ZBTB44: variants seen among roughly 807,000 people sequenced by gnomAD.
The protein encoded by ZBTB44 is zinc finger and BTB domain containing 44, also known as zinc finger and BTB domain-containing protein 44.
In ZBTB44, 15 loss-of-function variants were observed where a neutral mutation model predicts 54.0. The ratio of observed to expected loss-of-function variants is 0.28; its 90% CI spans 0.19 to 0.43. The LOEUF is 0.43. Ranked by LOEUF, ZBTB44 falls within the 20% of genes least tolerant of loss-of-function variation. The probability of loss-of-function intolerance (pLI) is 1.00; values close to 1 mark genes in which losing one functional copy is unlikely to be tolerated. For synonymous variants in ZBTB44, 230 were observed against 250.1 expected (o/e 0.92, Z 0.76); for missense variants, 487 against 707.1 (o/e 0.69, Z 3.53).
rs773434444 is a variant in ZBTB44, at chr11:130,261,448, A to G, written c.426T>C (p.Asp142=). The G allele has an allele frequency of 1.9e-6, 3 of 1,614,040 alleles. No individual in the cohort carries two copies. The highest frequency in any genetic ancestry group is 2.5e-6 in the Non-Finnish European group (3 of 1,179,902). Residue 142 remains aspartate (D), a synonymous_variant, in exon 2 of 8, where the codon GAT becomes GAC. Coordinates refer to ENST00000357899, the MANE Select transcript of ZBTB44 (RefSeq NM_001301098.2). The surrounding 1 kb of genome is among the most constrained non-coding windows in gnomAD (Gnocchi z 4.8). ...AGTTAGAATTATTTTCTTGTCCAGC[A>G]TCTAGACCCTTTTCAGGTTGGCTGT... ...TPNSQPEKGL[D]AGQENNSNCN...
At chr11:130,267,941 C>T (rs1184443251) in intron 1 of ZBTB44, among the ~76,000 whole-genome samples, 3 of 151,924 alleles carry the variant, frequency 2.0e-5, no homozygotes, top group African/African-American at 7.2e-5. Context: ...GGTGTGGTGG[C>T]AGGCACCTGT....
rs973230352 is a variant in ZBTB44, at chr11:130,261,419, T to C, written c.455A>G (p.Asn152Ser). Residue 152 changes from asparagine to serine, a missense_variant, in exon 2 of 8, where the codon AAT becomes AGT. This residue lies in a region of ZBTB44 where 277 missense variants were observed against 306.5 expected (regional missense o/e 0.90). Coordinates refer to ENST00000357899, the MANE Select transcript of ZBTB44 (RefSeq NM_001301098.2). The surrounding 1 kb of genome is among the most constrained non-coding windows in gnomAD (Gnocchi z 4.8). ...DAGQENNSNC[N>S]FTSRDGSISP... ...AATGCTCCCATCTCGAGAAGTAAAA[T>C]TGCAGTTAGAATTATTTTCTTGTCC... 1.2e-5 allele frequency: 19 copies of C among 1,613,882 alleles called. No homozygotes were observed. The highest frequency in any genetic ancestry group is 1.0e-4 in the Admixed American group (6 of 59,998).
chr11:130,256,292 C>T (rs912896915), intron 2 of ZBTB44, among the ~76,000 whole-genome samples: 14 of 152,170 alleles, frequency 9.2e-5, no homozygotes, highest in South Asian at 2.1e-4. Context: ...GTTCAACACA[C>T]GCAGATCAAT....
intron 2 of ZBTB44, among the ~76,000 whole-genome samples, chr11:130,246,224 T>C (rs1170478237): frequency 6.6e-6 from 1 of 152,210 alleles, no homozygotes; most frequent in Non-Finnish European, 1.5e-5. Context: ...AGTAATCATA[T>C]GAATTGGAAT....
At chr11:130,295,176 C>A (rs1941564691) in intron 1 of ZBTB44, among the ~76,000 whole-genome samples, 1 of 152,076 alleles carries the variant, frequency 6.6e-6, no homozygotes, top group African/African-American at 2.4e-5. Flanking sequence ...TCAAATCTGA[C>A]CCTGTCAGAA....
chr11:130,239,685 C>T, intron 3 of ZBTB44, 127 bp downstream of exon 3: 1 of 712,040 alleles, frequency 1.4e-6, no homozygotes, highest in South Asian at 1.9e-5. Flanking sequence ...GATGCTACTT[C>T]ATTACTTTGA....
At chr11:130,236,491 G>C in intron 5 of ZBTB44, 1 of 263,954 alleles carries the variant, frequency 3.8e-6, no homozygotes, top group Non-Finnish European at 6.9e-6. Flanking sequence ...ATCTATTTAA[G>C]GTCCATTACA....
chr11:130,233,740 G>C, intron 6 of ZBTB44: 1 of 1,157,510 alleles, frequency 8.6e-7, no homozygotes, highest in Non-Finnish European at 1.1e-6. Flanking sequence ...TATGTTTTAA[G>C]TCAACCAGTT....
At position 130,283,155 on chromosome 11, in the gene ZBTB44, C is replaced by T. The variant is rs117389319; in HGVS notation, c.-56-21226G>A. Among the ~76,000 whole-genome samples, 752 of 150,710 alleles carry T rather than the reference C, an allele frequency of 5.0e-3. 29 individuals are homozygous for T. In the East Asian group the frequency reaches 0.11, roughly 21 times the overall value. ...CATCTCCCAGGTTCAAGCAATTATC[C>T]TGCCTTAGCCTCCCAAGTGGATGGG... On this transcript the variant is annotated intron_variant, in intron 1 of 7. Transcript: ENST00000357899.
In ZBTB44 at chr11:130,307,424, C is replaced by CAA. The variant is rs35105255; in HGVS notation, c.-57+6949_-57+6950dup. Among the ~76,000 whole-genome samples the CAA allele has an allele frequency of 6.5e-5, 9 of 137,604 alleles. No individual in the cohort carries two copies. In the South Asian group the frequency reaches 9.4e-4, roughly 14 times the overall value. 90.3% of individuals were successfully genotyped at this position (137,604 alleles called of 152,430 possible). On this transcript the variant is annotated intron_variant, in intron 1 of 7. Coordinates refer to ENST00000357899, the MANE Select transcript of ZBTB44 (RefSeq NM_001301098.2). The stretch of plus-strand genomic sequence containing the variant: ...TGGGCAACACAGCAAGACTCTGTCT[C>CAA]AAAAAAAAAAAAAAAAGTCTACTGT...
At chr11:130,282,775 C>T (rs916900190) in intron 1 of ZBTB44, among the ~76,000 whole-genome samples, 1 of 152,180 alleles carries the variant, frequency 6.6e-6, no homozygotes, top group African/African-American at 2.4e-5. Context: ...GCAATTATCA[C>T]CTGTATTTTA....
At chr11:130,239,930 T>C (rs1393072244) in intron 2 of ZBTB44, 34 bp from the exon 3 acceptor site, 1 of 1,533,184 alleles carries the variant, frequency 6.5e-7, no homozygotes, top group East Asian at 2.3e-5. Flanking sequence ...ACTGTAATCC[T>C]TTGGTGTGAA....
At chr11:130,238,794 T>G (rs1954226402) in intron 3 of ZBTB44, 187 bp from the exon 4 acceptor site, 1 of 362,690 alleles carries the variant, frequency 2.8e-6, no homozygotes, top group South Asian at 5.9e-5. Flanking sequence ...ATGCCTTTTG[T>G]TTTTTTTTTT....
intron 2 of ZBTB44, among the ~76,000 whole-genome samples, chr11:130,242,698 A>G (rs1954431009): frequency 6.6e-6 from 1 of 152,098 alleles, no homozygotes; most frequent in Non-Finnish European, 1.5e-5. Context: ...GTAAAAAGTC[A>G]TATTCTTTTG....
At chr11:130,236,133 A>C in intron 5 of ZBTB44, 1 of 1,286,608 alleles carries the variant, frequency 7.8e-7, no homozygotes, top group Non-Finnish European at 1.0e-6. Context: ...CTAAGTTTCA[A>C]GCTTTTTCAT....
chr11:130,256,669 A>AATAC (rs1169590390), intron 2 of ZBTB44, among the ~76,000 whole-genome samples: 1 of 142,148 alleles, frequency 7.0e-6, no homozygotes, highest in Non-Finnish European at 1.5e-5. Context: ...TAAATAAATA[A>AATAC]ATAAAAATTA....
chr11:130,237,622 T>C (rs1322374049), intron 4 of ZBTB44, among the ~76,000 whole-genome samples: 2 of 152,220 alleles, frequency 1.3e-5, no homozygotes, highest in African/African-American at 4.8e-5. Flanking sequence ...GTAATATTGA[T>C]AGAAATAAAT....
chr11:130,263,012 G>C (rs773482593), intron 1 of ZBTB44, among the ~76,000 whole-genome samples: 1 of 152,216 alleles, frequency 6.6e-6, no homozygotes, highest in Non-Finnish European at 1.5e-5. Flanking sequence ...AGTGAGCCGA[G>C]ACTGCACCAC....
chr11:130,241,203 C>T (rs776477826), intron 2 of ZBTB44, among the ~76,000 whole-genome samples: 4 of 152,276 alleles, frequency 2.6e-5, no homozygotes, highest in Non-Finnish European at 5.9e-5. Context: ...ATGGTAAAGA[C>T]TTAGGAATGG....
Sources: gnomAD v4.1 joint callset for allele counts (sites outside exome capture counted in the v4.1 genomes callset) on GRCh38, gnomAD v4.1.1 for gene constraint, gnomAD v4.1.1 regional missense constraint, Gnocchi (gnomAD v3.1) non-coding constraint, MANE v1.5 for transcripts, NCBI Gene and HGNC (gene_info 2026-07-23, HGNC 2026-07-21) for gene names.